The following SLC33A1 variants were observed in gnomAD, a reference collection of about 807,000 sequenced individuals.
SLC33A1 encodes solute carrier family 33 member 1.
In SLC33A1, 20 loss-of-function variants were observed where a neutral mutation model predicts 50.0. That is an observed-to-expected ratio of 0.40 (90% confidence interval 0.28 to 0.58). SLC33A1 has a LOEUF of 0.58. Ranked by LOEUF, SLC33A1 falls within the 20% of genes least tolerant of loss-of-function variation. SLC33A1 has a pLI of 0.44. For missense variants in SLC33A1, 476 were observed against 657.0 expected, an observed-to-expected ratio of 0.72 and a Z score of 3.01; for synonymous variants, 265 against 251.8, an observed-to-expected ratio of 1.05 and a Z score of -0.50.
rs1331814943 is a variant in SLC33A1, at chr3:155,829,777, T to C, written c.1393A>G (p.Thr465Ala). The change falls in exon 5 of 6, where the codon ACA becomes GCA. Residue 465 changes from threonine (T) to alanine (A), a missense_variant. Transcript: ENST00000643144. ...VSNLGGNWPS[T>A]VALWLVDPLT... Reference sequence around the variant, plus strand: ...GGATCTACAAGCCAAAGAGCTACTGTAGAAGGCCAGTTTCCTCCCAGATTG... The same window carrying C: ...GGATCTACAAGCCAAAGAGCTACTGCAGAAGGCCAGTTTCCTCCCAGATTG... 1.2e-6 allele frequency: 2 copies of C among 1,613,968 alleles called. No homozygotes were observed. The highest frequency in any genetic ancestry group is 1.6e-4 in the Middle Eastern group (1 of 6,084).
Position 155,822,039 on chromosome 3 carries a change from A to G in SLC33A1, c.*6171T>C, listed in dbSNP as rs533831042. On this transcript the variant is annotated 3_prime_UTR_variant, in exon 6 of 6. Transcript: ENST00000643144. The stretch of plus-strand genomic sequence containing the variant: ...TCTCCTGCCTAAGCCTCCCAAACTA[A>G]TGGGACTACAGGTGTAAGCCAACAC... 1.3e-4 allele frequency: 20 copies of G among 152,112 alleles called. No individual in the cohort carries two copies. The highest frequency in any genetic ancestry group is 4.8e-4 in the African/African-American group (20 of 41,502). 9.4% of individuals were successfully genotyped at this position (152,112 alleles called of 1,614,324 possible).
intron 1 of SLC33A1, among the ~76,000 whole-genome samples, chr3:155,848,052 C>T (rs71310452): frequency 6.6e-5 from 10 of 152,094 alleles, no homozygotes; most frequent in African/African-American, 2.4e-4. Flanking sequence ...AGGAGAGGGC[C>T]TCAATTACCA....
intron 4 of SLC33A1, among the ~76,000 whole-genome samples, chr3:155,831,457 C>CAAAAAAAAAAAAAAAAAAAAAAAAAA (rs397991448): frequency 2.1e-5 from 1 of 46,682 alleles, no homozygotes; most frequent in African/African-American, 5.8e-5. Context: ...GACTCTGTCT[C>CAAAAAAAAAAAAAAAAAAAAAAAAAA]AAAAAAAAAA....
At position 155,847,697 on chromosome 3, in the gene SLC33A1, G is replaced by A. The variant is rs550409672; in HGVS notation, c.776-5078C>T. Among the ~76,000 whole-genome samples, 80 of 151,926 alleles carry A rather than the reference G, an allele frequency of 5.3e-4. No homozygotes were observed. In the South Asian group the frequency reaches 8.5e-3, roughly 16 times the overall value. On this transcript the variant is annotated intron_variant, in intron 1 of 5. Coordinates refer to ENST00000643144, the MANE Select transcript of SLC33A1 (RefSeq NM_004733.4). Reference sequence around the variant, plus strand: ...TGGGAGGCAGAAGTTGCAGTGAGCCGAGATCACGCCACTGCACTCCAGCCT... The same window carrying A: ...TGGGAGGCAGAAGTTGCAGTGAGCCAAGATCACGCCACTGCACTCCAGCCT...
chr3:155,843,170 A>G (rs1027107383), intron 1 of SLC33A1, among the ~76,000 whole-genome samples: 5 of 152,186 alleles, frequency 3.3e-5, no homozygotes, highest in African/African-American at 1.2e-4. Context: ...CATTACATTT[A>G]GTGTACAACT....
intron 2 of SLC33A1, among the ~76,000 whole-genome samples, chr3:155,840,055 T>C (rs1360105853): frequency 6.6e-6 from 1 of 152,004 alleles, no homozygotes; most frequent in Non-Finnish European, 1.5e-5. Flanking sequence ...AAAGGAAATA[T>C]ACCAAGAAGG....
intron 2 of SLC33A1, among the ~76,000 whole-genome samples, chr3:155,837,007 A>T (rs1416874048): frequency 6.6e-6 from 1 of 152,204 alleles, no homozygotes; most frequent in Non-Finnish European, 1.5e-5. Context: ...TCATTAGGGA[A>T]ATTCAAATTA....
At position 155,822,146 on chromosome 3, in the gene SLC33A1, T is replaced by TA. The variant is rs979010834; in HGVS notation, c.*6063dup. ...TCTCTAATTTTATAGGGGCAGGTGA[T>TA]AAAAAAATTTCAATTTCACTAACTC... On this transcript the variant is annotated 3_prime_UTR_variant, in exon 6 of 6. Coordinates refer to ENST00000643144, the MANE Select transcript of SLC33A1 (RefSeq NM_004733.4). 6 of 152,164 alleles carry TA rather than the reference T, an allele frequency of 3.9e-5. No individual in the cohort carries two copies. Among genetic ancestry groups the TA allele is most frequent in the African/African-American group, 9.7e-5 (4 of 41,430 alleles). 9.4% of individuals were successfully genotyped at this position (152,164 alleles called of 1,614,324 possible).
At chr3:155,842,306 ATT>A (rs1752965184) in intron 2 of SLC33A1, 124 bp downstream of exon 2, 1 of 625,212 alleles carries the variant, frequency 1.6e-6, no homozygotes, top group South Asian at 2.0e-5. Context: ...AACAGAAAAT[ATT>A]GTTTTTCATT....
intron 4 of SLC33A1, among the ~76,000 whole-genome samples, chr3:155,832,409 G>T (rs1272489343): frequency 6.6e-6 from 1 of 152,194 alleles, no homozygotes; most frequent in East Asian, 1.9e-4. Context: ...TGCAACAGCA[G>T]CTTAGGCTAG....
At chr3:155,828,801 G>T (rs1272531620) in intron 5 of SLC33A1, among the ~76,000 whole-genome samples, 1 of 151,664 alleles carries the variant, frequency 6.6e-6, no homozygotes, top group Non-Finnish European at 1.5e-5. Context: ...TGTGGCCCAG[G>T]GTGGTCTTGA....
chr3:155,829,584 G>T, intron 5 of SLC33A1, 104 bp downstream of exon 5: 1 of 826,238 alleles, frequency 1.2e-6, no homozygotes, highest in Non-Finnish European at 2.0e-6. Context: ...AGAACCTATG[G>T]ACAGATATGA....
intron 2 of SLC33A1, among the ~76,000 whole-genome samples, chr3:155,839,577 G>A (rs1032530963): frequency 6.6e-6 from 1 of 152,054 alleles, no homozygotes; most frequent in Non-Finnish European, 1.5e-5. Context: ...TTTCAAATAT[G>A]TAATGCTATA....
At chr3:155,845,045 T>C (rs764319241) in intron 1 of SLC33A1, 11 of 152,066 alleles carry the variant, frequency 7.2e-5, no homozygotes, top group Non-Finnish European at 2.9e-5. Context: ...GTTTTGGTCA[T>C]CATCTGTTTT....
chr3:155,847,750 A>AT (rs2107999998), intron 1 of SLC33A1, among the ~76,000 whole-genome samples: 1 of 145,324 alleles, frequency 6.9e-6, no homozygotes, highest in African/African-American at 2.8e-5. Flanking sequence ...CTCCGTCTCA[A>AT]AAAATAAATA....
rs1028862236 is a variant in SLC33A1 at position 155,826,566 on chromosome 3, T to G, written c.*1644A>C. ...TCTTTATTCAAGTAATCATTTAGACTCTAATACATGATAATGGACAACCAT... is the reference window on the plus strand; with the variant it reads ...TCTTTATTCAAGTAATCATTTAGACGCTAATACATGATAATGGACAACCAT... On this transcript the variant is annotated 3_prime_UTR_variant, in exon 6 of 6. Coordinates refer to ENST00000643144, the MANE Select transcript of SLC33A1 (RefSeq NM_004733.4). The G allele has an allele frequency of 2.6e-5, 4 of 152,116 alleles. No individual in the cohort carries two copies. Among genetic ancestry groups the G allele is most frequent in the Non-Finnish European group, 5.9e-5 (4 of 68,018 alleles). 9.4% of individuals were successfully genotyped at this position (152,116 alleles called of 1,614,324 possible).
chr3:155,840,254 A>G (rs1173101219), intron 2 of SLC33A1, among the ~76,000 whole-genome samples: 2 of 151,130 alleles, frequency 1.3e-5, no homozygotes, highest in African/African-American at 4.9e-5. Flanking sequence ...CACCCAGCTA[A>G]TTTTTGTATT....
At chr3:155,831,067 C>T (rs1279882338) in intron 4 of SLC33A1, among the ~76,000 whole-genome samples, 1 of 152,082 alleles carries the variant, frequency 6.6e-6, no homozygotes, top group African/African-American at 2.4e-5. Flanking sequence ...ATATTTACAA[C>T]ATACACTCCT....
chr3:155,853,880 A>G lies in SLC33A1; in HGVS notation c.118T>C (p.Leu40=), dbSNP rs201120375. Residue 40 remains leucine, a synonymous_variant, in exon 1 of 6, where the codon TTG becomes CTG. Transcript: ENST00000643144. ...LPPGGWDDSH[L]DSAGREGDRE... ...TCCCCTTCCCGGCCCGCTGAGTCCA[A>G]ATGACTGTCATCCCAACCGCCTGGC... The G allele has an allele frequency of 1.3e-6, 2 of 1,564,782 alleles. No homozygotes were observed. The highest frequency in any genetic ancestry group is 2.2e-5 in the East Asian group (1 of 44,446).
Sources: gnomAD v4.1 joint callset for allele counts (sites outside exome capture counted in the v4.1 genomes callset) on GRCh38, gnomAD v4.1.1 for gene constraint, MANE v1.5 for transcripts, NCBI Gene and HGNC (gene_info 2026-07-23, HGNC 2026-07-21) for gene names.